Variants in PDE8A observed in about 807,000 individuals in gnomAD.
PDE8A encodes phosphodiesterase 8A.
In PDE8A, 59 loss-of-function variants were observed where a neutral mutation model predicts 105.0. That is an observed-to-expected ratio of 0.56 (90% CI 0.46 to 0.70). The LOEUF is 0.70. PDE8A is among the 30% of genes least tolerant of loss of function. The probability of loss-of-function intolerance (pLI) is 0.00; values close to 1 mark genes in which losing one functional copy is unlikely to be tolerated. For synonymous variants in PDE8A, 355 were observed against 371.9 expected (o/e 0.95, Z 0.52); for missense variants, 1,014 against 1,045.9 (o/e 0.97, Z 0.42).
At chr15:85,123,337 TACACAC>T (rs58421452) in intron 19 of PDE8A, 144 bp downstream of exon 19, 29,653 of 329,420 alleles carry the variant, frequency 0.09, 1,784 homozygotes, top group African/African-American at 0.2. Flanking sequence ...ACTAATGGGA[TACACAC>T]ACACACACAC....
intron 1 of PDE8A, among the ~76,000 whole-genome samples, chr15:85,010,887 C>CT (rs35155549): frequency 0.78 from 117,964 of 151,984 alleles, 46,017 homozygotes; most frequent in African/African-American, 0.85. Flanking sequence ...GTGTTTCCCC[C>CT]AGTCGTGTTC....
chr15:85,067,097 T>C lies in PDE8A; in HGVS notation c.327T>C (p.Val109=). 1 of 1,613,674 alleles carries C rather than the reference T, an allele frequency of 6.2e-7. No individual in the cohort carries two copies. Among genetic ancestry groups the C allele is most frequent in the African/African-American group, 1.3e-5 (1 of 75,022 alleles). ...AAAAAGCAGGGTTTAAGTGTACAGT[T>C]ACCAAGGAGGCTCAGGCTGTCCTTG... ...ACEKAGFKCT[V]TKEAQAVLAC... The change falls in exon 3 of 22, where the codon GTT becomes GTC. Residue 109 remains valine, a synonymous_variant. Coordinates refer to ENST00000394553, the MANE Select transcript of PDE8A (RefSeq NM_002605.3).
At chr15:85,121,395 C>G (rs2082179897) in intron 18 of PDE8A, among the ~76,000 whole-genome samples, 3 of 152,342 alleles carry the variant, frequency 2.0e-5, no homozygotes, top group African/African-American at 7.2e-5. Flanking sequence ...TGCACTCCAG[C>G]TTGAGCAACA....
intron 3 of PDE8A, among the ~76,000 whole-genome samples, chr15:85,073,418 TA>T (rs1425258076): frequency 6.6e-6 from 1 of 152,232 alleles, no homozygotes; most frequent in Non-Finnish European, 1.5e-5. Context: ...GAGCTGTTTT[TA>T]AGGGCTTATC....
intron 21 of PDE8A, 149 bp from the exon 22 acceptor site, chr15:85,137,648 G>A (rs761404314): frequency 5.4e-5 from 32 of 592,614 alleles, no homozygotes; most frequent in East Asian, 1.1e-4. Flanking sequence ...GCCACGGCTC[G>A]TTGAAGCTGC....
chr15:85,115,862 G>GTGAGCTGAGAC, intron 15 of PDE8A, 122 bp from the exon 16 acceptor site: 1 of 847,556 alleles, frequency 1.2e-6, no homozygotes, highest in Non-Finnish European at 1.8e-6. Context: ...GGAGGTTGCA[G>GTGAGCTGAGAC]TGAGCTGAGA....
At chr15:85,046,849 T>C (rs1206630218) in intron 1 of PDE8A, among the ~76,000 whole-genome samples, 1 of 152,246 alleles carries the variant, frequency 6.6e-6, no homozygotes. Flanking sequence ...TTAGATCAGT[T>C]AGGCAAACGA....
chr15:85,085,206 C>G (rs1222996553), intron 6 of PDE8A, among the ~76,000 whole-genome samples: 1 of 152,176 alleles, frequency 6.6e-6, no homozygotes, highest in South Asian at 2.1e-4. Flanking sequence ...TCCCATCATG[C>G]CCTGCTTTGT....
chr15:85,114,382 A>T (rs951418453), intron 14 of PDE8A, among the ~76,000 whole-genome samples: 1 of 152,228 alleles, frequency 6.6e-6, no homozygotes, highest in African/African-American at 2.4e-5. Flanking sequence ...GACAGTGTAG[A>T]ACAGAAAGAT....
At chr15:85,072,630 C>T (rs555334838) in intron 3 of PDE8A, among the ~76,000 whole-genome samples, 7 of 152,260 alleles carry the variant, frequency 4.6e-5, no homozygotes, top group African/African-American at 1.7e-4. Flanking sequence ...CATGTACAGA[C>T]AATAGTAGAG....
chr15:84,989,816 T>G (rs2079858652), intron 1 of PDE8A, among the ~76,000 whole-genome samples: 2 of 152,264 alleles, frequency 1.3e-5, no homozygotes, highest in Non-Finnish European at 1.5e-5. Context: ...GATCTCATTT[T>G]TAATATAGTT....
intron 1 of PDE8A, among the ~76,000 whole-genome samples, chr15:85,030,341 C>A (rs1020129786): frequency 1.6e-4 from 24 of 151,932 alleles, no homozygotes; most frequent in African/African-American, 5.6e-4. Flanking sequence ...TTGGTATGAT[C>A]TCCTAGCCAC....
chr15:85,008,259 G>A (rs1331617867), intron 1 of PDE8A, among the ~76,000 whole-genome samples: 1 of 152,030 alleles, frequency 6.6e-6, no homozygotes, highest in Non-Finnish European at 1.5e-5. Context: ...GCTCAGGGAG[G>A]GATCAGAAGC....
At chr15:85,121,121 A>T (rs1596539701) in intron 18 of PDE8A, 107 bp downstream of exon 18, 2 of 721,348 alleles carry the variant, frequency 2.8e-6, no homozygotes, top group East Asian at 2.7e-5. Flanking sequence ...AAAGTGCACA[A>T]AGTATACAGT....
At chr15:85,079,035 T>A (rs1014462632) in intron 5 of PDE8A, among the ~76,000 whole-genome samples, 6 of 152,132 alleles carry the variant, frequency 3.9e-5, no homozygotes, top group African/African-American at 1.4e-4. Flanking sequence ...GAGGGAAAAG[T>A]AGTGAGCTAT....
intron 1 of PDE8A, among the ~76,000 whole-genome samples, chr15:85,051,009 A>G (rs2080964368): frequency 6.6e-6 from 1 of 152,194 alleles, no homozygotes. Context: ...TTTCACTTGT[A>G]CAAATCTTTC....
chr15:85,109,622 A>G (rs1200054670), intron 12 of PDE8A, among the ~76,000 whole-genome samples: 1 of 152,260 alleles, frequency 6.6e-6, no homozygotes, highest in Non-Finnish European at 1.5e-5. Context: ...TTTGAAATGT[A>G]GTCAACATTG....
intron 1 of PDE8A, among the ~76,000 whole-genome samples, chr15:85,049,749 T>A (rs2080942981): frequency 6.6e-6 from 1 of 152,234 alleles, no homozygotes; most frequent in Non-Finnish European, 1.5e-5. Flanking sequence ...ACACTTGGGC[T>A]GTTTTCATGT....
At chr15:85,066,953 G>GT in intron 2 of PDE8A, 61 bp from the exon 3 acceptor site, 3 of 1,284,364 alleles carry the variant, frequency 2.3e-6, no homozygotes, top group Non-Finnish European at 3.3e-6. Context: ...AAAAAAAAGT[G>GT]TAAGAAATGA....
Sources: allele counts gnomAD v4.1 joint callset (sites outside exome capture counted in the v4.1 genomes callset), GRCh38; gene constraint gnomAD v4.1.1; transcripts MANE v1.5; gene names NCBI Gene and HGNC (gene_info 2026-07-23, HGNC 2026-07-21).